CACNA1A: variants seen among roughly 807,000 people sequenced by gnomAD.
CACNA1A encodes calcium voltage-gated channel subunit alpha1 A, also known as voltage-dependent P/Q-type calcium channel subunit alpha-1A.
In CACNA1A, 57 loss-of-function variants were observed where a neutral mutation model predicts 262.4. The ratio of observed to expected loss-of-function variants is 0.22; its 90% CI spans 0.18 to 0.27. The LOEUF (loss-of-function observed/expected upper bound fraction) is 0.27, where lower values mean the gene tolerates loss of function less well. Ranked by LOEUF, CACNA1A falls within the 10% of genes least tolerant of loss-of-function variation. The probability of loss-of-function intolerance (pLI) is 1.00; values close to 1 mark genes in which losing one functional copy is unlikely to be tolerated. For missense variants in CACNA1A, 2,526 were observed against 3,562.8 expected, an observed-to-expected ratio of 0.71 and a Z score of 7.41; for synonymous variants, 1,431 against 1,419.3, an observed-to-expected ratio of 1.01 and a Z score of -0.18.
Position 13,349,730 on chromosome 19 carries a change from T to G in CACNA1A, c.978+9876A>C, listed in dbSNP as rs2058872179. Among the ~76,000 whole-genome samples the G allele has an allele frequency of 2.0e-5, 3 of 152,248 alleles. No individual in the cohort carries two copies. The South Asian group carries it at 6.2e-4, about 31-fold the overall frequency. On this transcript the variant is annotated intron_variant, in intron 6 of 46. Transcript: ENST00000360228. Reference sequence around the variant, plus strand: ...GCTGAATTCTGACTCTCAATCGCTGTGCACAGCTCTGGGACTCAGTTTCTT... The same window carrying G: ...GCTGAATTCTGACTCTCAATCGCTGGGCACAGCTCTGGGACTCAGTTTCTT...
chr19:13,300,592 G>T lies in CACNA1A; in HGVS notation c.2237C>A (p.Ala746Glu), dbSNP rs1263747711. ...KLALQKAKEV[A>E]EVSPLSAANM... Reference sequence around the variant, plus strand: ...GGCCGCGGACAGAGGACTCACTTCTGCCACCTCCTTGGCTTTCTGTAGGGC... The same window carrying T: ...GGCCGCGGACAGAGGACTCACTTCTTCCACCTCCTTGGCTTTCTGTAGGGC... The change falls in exon 18 of 47, where the codon GCA (alanine) becomes GAA (glutamate). Residue 746 changes from alanine to glutamate, a missense_variant. Around this residue, in one of 17 missense-constraint regions of CACNA1A, gnomAD observed 16 missense variants for 30.1 expected, o/e 0.53. Transcript: ENST00000360228. 6.2e-7 allele frequency: 1 copy of T among 1,613,866 alleles called. No homozygotes were observed. The highest frequency in any genetic ancestry group is 8.5e-7 in the Non-Finnish European group (1 of 1,179,832).
In CACNA1A at chr19:13,214,615, T is replaced by C. The variant is rs751626433; in HGVS notation, c.5732-7A>G. ...TGCTGTTTGTCGGCTCCTCCTGCAATGGGGGTGTAGACAGACCCTGACTGC... is the reference window on the plus strand; with the variant it reads ...TGCTGTTTGTCGGCTCCTCCTGCAACGGGGGTGTAGACAGACCCTGACTGC... On this transcript the variant is annotated splice_region_variant and splice_polypyrimidine_tract_variant and intron_variant, in intron 38 of 46. Transcript: ENST00000360228. The surrounding 1 kb of genome is among the most constrained non-coding windows in gnomAD (Gnocchi z 4.1). 1.9e-6 allele frequency: 3 copies of C among 1,610,250 alleles called. No homozygotes were observed. The highest frequency in any genetic ancestry group is 2.5e-6 in the Non-Finnish European group (3 of 1,177,316).
intron 3 of CACNA1A, among the ~76,000 whole-genome samples, chr19:13,423,415 G>A (rs2060348905): frequency 6.6e-6 from 1 of 152,216 alleles, no homozygotes; most frequent in South Asian, 2.1e-4. Context: ...AAGCTTGGGG[G>A]AATGGTGCTG....
At chr19:13,267,374 C>A (rs939570400) in intron 24 of CACNA1A, among the ~76,000 whole-genome samples, 3 of 152,172 alleles carry the variant, frequency 2.0e-5, no homozygotes, top group Non-Finnish European at 4.4e-5. Context: ...GGAAGCCGCC[C>A]CCACCTCCAT....
chr19:13,282,906 G>A (rs969371774), intron 22 of CACNA1A, among the ~76,000 whole-genome samples: 11 of 152,132 alleles, frequency 7.2e-5, no homozygotes, highest in Admixed American at 7.2e-4. Context: ...GTCTACTGCG[G>A]AGGGGACCAC....
chr19:13,382,380 G>A (rs948397267), intron 3 of CACNA1A, among the ~76,000 whole-genome samples: 1 of 152,144 alleles, frequency 6.6e-6, no homozygotes, highest in Admixed American at 6.6e-5. Context: ...ACCACCCTGT[G>A]CAATCCCAGC....
chr19:13,352,109 T>C (rs1313800009), intron 6 of CACNA1A, among the ~76,000 whole-genome samples: 1 of 152,166 alleles, frequency 6.6e-6, no homozygotes, highest in Non-Finnish European at 1.5e-5. Context: ...GAGACCTTCT[T>C]CTTTCTCCCC....
At chr19:13,223,419 C>A (rs543145046) in intron 38 of CACNA1A, among the ~76,000 whole-genome samples, 12 of 151,920 alleles carry the variant, frequency 7.9e-5, no homozygotes, top group Non-Finnish European at 1.5e-4. Context: ...GTCATCCTGA[C>A]CTCAAGTAAT....
intron 20 of CACNA1A, 146 bp downstream of exon 20, chr19:13,286,357 G>A (rs192693249): frequency 2.6e-5 from 12 of 462,876 alleles, no homozygotes; most frequent in Non-Finnish European, 4.2e-5. Context: ...AGCCCTGTGG[G>A]GTAGGAAACT....
chr19:13,287,099 C>T, intron 19 of CACNA1A, 133 bp from the exon 20 acceptor site: 1 of 729,476 alleles, frequency 1.4e-6, no homozygotes, highest in Non-Finnish European at 2.2e-6. Flanking sequence ...CGCCTGTAAT[C>T]CCAGCACTTT....
chr19:13,403,356 A>T (rs923725216), intron 3 of CACNA1A, among the ~76,000 whole-genome samples: 68 of 152,150 alleles, frequency 4.5e-4, no homozygotes, highest in Non-Finnish European at 8.5e-4. Flanking sequence ...TGATGAGTTT[A>T]AAAAAATTAT....
At chr19:13,472,071 T>C (rs1978286062) in intron 1 of CACNA1A, among the ~76,000 whole-genome samples, 1 of 152,142 alleles carries the variant, frequency 6.6e-6, no homozygotes, top group Non-Finnish European at 1.5e-5. Flanking sequence ...CCAGCAATCC[T>C]CCTACCTCAG....
chr19:13,459,746 C>T (rs1271232756), intron 1 of CACNA1A, among the ~76,000 whole-genome samples: 1 of 152,228 alleles, frequency 6.6e-6, no homozygotes, highest in Non-Finnish European at 1.5e-5. Context: ...CCATCCCACT[C>T]CTCCGGTTCC....
In CACNA1A at chr19:13,230,225, G is replaced by C. The variant is rs1362426289; in HGVS notation, c.5401-16C>G. 1 of 1,613,582 alleles carries C rather than the reference G, an allele frequency of 6.2e-7. No homozygotes were observed. Among genetic ancestry groups the C allele is most frequent in the African/African-American group, 1.3e-5 (1 of 74,878 alleles). Reference sequence around the variant, plus strand: ...GATTCAGCATCTGTGGGGACCCCGGGGACCAAGAGAGAATGGGGGCAGAGA... The same window carrying C: ...GATTCAGCATCTGTGGGGACCCCGGCGACCAAGAGAGAATGGGGGCAGAGA... On this transcript the variant is annotated splice_polypyrimidine_tract_variant and intron_variant, in intron 35 of 46. Transcript: ENST00000360228.
intron 38 of CACNA1A, among the ~76,000 whole-genome samples, chr19:13,216,206 T>TCCTGGC (rs970031437): frequency 9.9e-5 from 15 of 152,198 alleles, no homozygotes; most frequent in African/African-American, 3.6e-4. Context: ...TGACGGTGTT[T>TCCTGGC]CCTGGCCCTC....
At chr19:13,498,001 C>T (rs1981895243) in intron 1 of CACNA1A, among the ~76,000 whole-genome samples, 1 of 151,974 alleles carries the variant, frequency 6.6e-6, no homozygotes, top group South Asian at 2.1e-4. Flanking sequence ...TTCCTCCTTA[C>T]AGCCTCCACT....
chr19:13,397,957 G>A (rs967515773), intron 3 of CACNA1A, among the ~76,000 whole-genome samples: 2 of 152,044 alleles, frequency 1.3e-5, no homozygotes, highest in African/African-American at 4.8e-5. Flanking sequence ...GGTGCCTGCT[G>A]TTTAAGAATA....
chr19:13,323,382 G>A (rs1001504548), intron 10 of CACNA1A, among the ~76,000 whole-genome samples: 1 of 152,182 alleles, frequency 6.6e-6, no homozygotes, highest in Non-Finnish European at 1.5e-5. Flanking sequence ...GTGATGTTCA[G>A]CATTTTATTC....
chr19:13,404,983 A>G (rs191004616), intron 3 of CACNA1A, among the ~76,000 whole-genome samples: 17 of 149,404 alleles, frequency 1.1e-4, no homozygotes, highest in Middle Eastern at 6.9e-3. Flanking sequence ...TGCAACTTCC[A>G]CCTCCCGGGT....
Sources: allele counts gnomAD v4.1 joint callset (sites outside exome capture counted in the v4.1 genomes callset), GRCh38; gene constraint gnomAD v4.1.1; regional missense constraint gnomAD v4.1.1; non-coding constraint Gnocchi (gnomAD v3.1); transcripts MANE v1.5; gene names NCBI Gene and HGNC (gene_info 2026-07-23, HGNC 2026-07-21).